The following PPIA variants were observed in gnomAD, a reference collection of about 807,000 sequenced individuals.
PPIA encodes the protein peptidylprolyl isomerase A, also known as peptidyl-prolyl cis-trans isomerase A.
A neutral mutation model predicts 15.3 loss-of-function variants in PPIA; 2 were observed. The ratio of observed to expected loss-of-function variants is 0.13; its 90% CI spans 0.05 to 0.41. The LOEUF (loss-of-function observed/expected upper bound fraction) is 0.41, where lower values mean the gene tolerates loss of function less well. Ranked by LOEUF, PPIA falls within the 10% of genes least tolerant of loss-of-function variation. The probability of loss-of-function intolerance (pLI) is 0.99; values close to 1 mark genes in which losing one functional copy is unlikely to be tolerated. For synonymous variants in PPIA, 67 were observed against 73.1 expected, an observed-to-expected ratio of 0.92 and a Z score of 0.43; for missense variants, 103 against 210.3, an observed-to-expected ratio of 0.49 and a Z score of 3.16.
intron 1 of PPIA, among the ~76,000 whole-genome samples, chr7:44,797,024 G>T (rs1002135534): frequency 6.6e-6 from 1 of 152,130 alleles, no homozygotes; most frequent in African/African-American, 2.4e-5. Context: ...GAGGCCGTTG[G>T]GGGAGGGGGC....
chr7:44,799,944 C>A (rs1792495949), intron 4 of PPIA, 70 bp downstream of exon 4: 2 of 1,482,054 alleles, frequency 1.3e-6, no homozygotes, highest in Non-Finnish European at 9.3e-7. Context: ...ACGGAACAAA[C>A]ACTACTTTTC....
At chr7:44,799,085 T>G in intron 1 of PPIA, 162 bp from the exon 2 acceptor site, 4 of 1,078,120 alleles carry the variant, frequency 3.7e-6, no homozygotes, top group Non-Finnish European at 5.1e-6. Context: ...CCCAACTGCC[T>G]GCAGGGCCTT....
chr7:44,798,562 T>C (rs1379550788), intron 1 of PPIA: 1 of 202,058 alleles, frequency 4.9e-6, no homozygotes, highest in Non-Finnish European at 8.8e-6. Context: ...ATACTAGTAG[T>C]TAATTCAGTC....
At position 44,799,485 on chromosome 7, in the gene PPIA, G is replaced by A. The variant is rs1195153909; in HGVS notation, c.189+5G>A. 1.2e-6 allele frequency: 2 copies of A among 1,609,582 alleles called. No individual in the cohort carries two copies. Among genetic ancestry groups the A allele is most frequent in the Non-Finnish European group, 1.7e-6 (2 of 1,178,556 alleles). On this transcript the variant is annotated splice_donor_5th_base_variant and intron_variant, in intron 3 of 4. Transcript: ENST00000468812. Reference sequence around the variant, plus strand: ...ATTCCAGGGTTTATGTGTCAGGTACGAAATTTACTGAATTTTATTTTATTT... The same window carrying A: ...ATTCCAGGGTTTATGTGTCAGGTACAAAATTTACTGAATTTTATTTTATTT...
chr7:44,800,026 T>A, intron 4 of PPIA, 152 bp downstream of exon 4: 1 of 767,060 alleles, frequency 1.3e-6, no homozygotes, highest in Admixed American at 2.8e-5. Context: ...ACGACAAATA[T>A]AGCCAATGTG....
chr7:44,797,344 A>T (rs1448569666), intron 1 of PPIA, among the ~76,000 whole-genome samples: 3 of 152,192 alleles, frequency 2.0e-5, no homozygotes, highest in African/African-American at 4.8e-5. Flanking sequence ...AGGCCATGTT[A>T]TAAAAGGAGA....
chr7:44,802,974 A>G lies in PPIA; in HGVS notation c.*1552A>G, dbSNP rs1165502859. On this transcript the variant is annotated 3_prime_UTR_variant, in exon 5 of 5. Transcript: ENST00000468812. Reference sequence around the variant, plus strand: ...TTACTGTCTGGTTCCTTCTGCGTGAATTACCACCACCACCACTTGTGCATC... The same window carrying G: ...TTACTGTCTGGTTCCTTCTGCGTGAGTTACCACCACCACCACTTGTGCATC... The G allele has an allele frequency of 6.6e-6, 1 of 152,150 alleles. No homozygotes were observed. The highest frequency in any genetic ancestry group is 1.5e-5 in the Non-Finnish European group (1 of 68,054). The allele number at this position is 152,150 out of a possible 1,614,324, so 9.4% of individuals were successfully genotyped here.
At chr7:44,799,031 T>A in intron 1 of PPIA, 1 of 1,138,140 alleles carries the variant, frequency 8.8e-7, no homozygotes, top group Non-Finnish European at 1.2e-6. Flanking sequence ...AAGTTATGAC[T>A]AGTATTGGAT....
chr7:44,802,166 T>A lies in PPIA; in HGVS notation c.*744T>A, dbSNP rs1480788565. The A allele has an allele frequency of 2.2e-5, 2 of 92,378 alleles. No homozygotes were observed. Among genetic ancestry groups the A allele is most frequent in the Non-Finnish European group, 4.0e-5 (2 of 50,016 alleles). The allele number at this position is 92,378 out of a possible 1,614,324, so 5.7% of individuals were successfully genotyped here. A position where few individuals can be genotyped will look rare whatever the true frequency, so the allele number is the denominator to read the frequency against. ...GACTAATGTCAAAAATTGAGACATC[T>A]GTTGCGGTTTTTTTTTTTTTTTTTT... On this transcript the variant is annotated 3_prime_UTR_variant, in exon 5 of 5. Coordinates refer to ENST00000468812, the MANE Select transcript of PPIA (RefSeq NM_021130.5).
At chr7:44,799,578 A>T (rs1792484419) in intron 3 of PPIA, 98 bp downstream of exon 3, 1 of 1,571,066 alleles carries the variant, frequency 6.4e-7, no homozygotes, top group African/African-American at 1.4e-5. Flanking sequence ...CTGTTACTCT[A>T]CCATTTCGGT....
intron 1 of PPIA, chr7:44,798,662 C>T: frequency 1.2e-6 from 1 of 840,734 alleles, no homozygotes; most frequent in Non-Finnish European, 1.4e-6. Flanking sequence ...TAAGCTACCT[C>T]TCTAGCCATA....
intron 3 of PPIA, 94 bp from the exon 4 acceptor site, chr7:44,799,608 C>G (rs1583691004): frequency 6.3e-7 from 1 of 1,578,296 alleles, no homozygotes; most frequent in Non-Finnish European, 8.7e-7. Flanking sequence ...CCCTTCTATT[C>G]AGTTTGAACT....
rs17860074 is a variant in PPIA, at chr7:44,800,755, GTTTC to G, written c.363-528_363-525del. ...TAACATGCGGTTGGTTGGGTTTTTT[GTTTC>G]TTTGGGGTTTTTGTTTTGTTTTGTT... On this transcript the variant is annotated intron_variant, in intron 4 of 4. Transcript: ENST00000468812. Among the ~76,000 whole-genome samples, 6 of 151,782 alleles carry G rather than the reference GTTTC, an allele frequency of 4.0e-5. No individual in the cohort carries two copies. The East Asian group carries it at 5.8e-4, about 15-fold the overall frequency.
chr7:44,801,232 A>T, intron 4 of PPIA, 55 bp from the exon 5 acceptor site: 1 of 1,594,660 alleles, frequency 6.3e-7, no homozygotes, highest in Admixed American at 1.7e-5. Flanking sequence ...TTCATGACAC[A>T]TGGAGGCTGC....
chr7:44,797,439 C>T, intron 1 of PPIA, among the ~76,000 whole-genome samples: 1 of 152,196 alleles, frequency 6.6e-6, no homozygotes, highest in East Asian at 1.9e-4. Flanking sequence ...CCAAACGTCC[C>T]TCCGTGTCCC....
At chr7:44,796,893 T>G in intron 1 of PPIA, 100 bp downstream of exon 1, 2 of 1,292,416 alleles carry the variant, frequency 1.5e-6, no homozygotes, top group Non-Finnish European at 2.1e-6. Context: ...GCGACCCTGC[T>G]TGAGGGGCGA....
chr7:44,799,366 T>A (rs774768925), intron 2 of PPIA, 26 bp from the exon 3 acceptor site: 11 of 1,606,672 alleles, frequency 6.8e-6, no homozygotes, highest in Non-Finnish European at 9.4e-6. Flanking sequence ...TGTATGTATA[T>A]ATGTGTTTAA....
intron 4 of PPIA, 126 bp downstream of exon 4, chr7:44,800,000 A>G (rs971589608): frequency 2.1e-6 from 2 of 959,622 alleles, no homozygotes; most frequent in Non-Finnish European, 3.1e-6. Flanking sequence ...AGATACTAGA[A>G]GAAGAGCATA....
In PPIA at chr7:44,799,295, G is replaced by A; in HGVS notation, c.100+18G>A. The A allele has an allele frequency of 6.2e-7, 1 of 1,613,414 alleles. No homozygotes were observed. Among genetic ancestry groups the A allele is most frequent in the Non-Finnish European group, 8.5e-7 (1 of 1,179,524 alleles). On this transcript the variant is annotated intron_variant, in intron 2 of 4. Coordinates refer to ENST00000468812, the MANE Select transcript of PPIA (RefSeq NM_021130.5). The stretch of plus-strand genomic sequence containing the variant: ...GACAGCAGGTTGGTCCATTTTCTAA[G>A]TTTAACAAAGATGTTCCAATTGTGA...
Sources: gnomAD v4.1 joint callset for allele counts (sites outside exome capture counted in the v4.1 genomes callset) on GRCh38, gnomAD v4.1.1 for gene constraint, MANE v1.5 for transcripts, NCBI Gene and HGNC (gene_info 2026-07-23, HGNC 2026-07-21) for gene names.